Variants in CHD1 observed in about 807,000 individuals in gnomAD.
The protein encoded by CHD1 is ATP-dependent chromatin remodeler CHD1.
Under a neutral mutation model 224.2 loss-of-function variants are expected in CHD1, and 36 were observed. The observed-to-expected ratio is 0.16, with a 90% CI of 0.12 to 0.21. CHD1 has a LOEUF of 0.21. Ranked by LOEUF, CHD1 falls within the 10% of genes least tolerant of loss-of-function variation. CHD1 has a pLI of 1.00. For missense variants in CHD1, 1,378 were observed against 1,994.8 expected (o/e 0.69, Z 5.89); for synonymous variants, 668 against 658.3 (o/e 1.01, Z -0.23).
chr5:98,872,162 A>G lies in CHD1; in HGVS notation c.3750T>C (p.Asp1250=). The G allele has an allele frequency of 3.7e-6, 6 of 1,613,814 alleles. No homozygotes were observed. The highest frequency in any genetic ancestry group is 5.1e-6 in the Non-Finnish European group (6 of 1,179,788). ...IPCHTKAAHF[D]IDWGKEDDSN... is the part of the protein sequence containing the mutation. ...AATCATCTTCTTTGCCCCAGTCTAT[A>G]TCAAAATGAGCTGCCTTTGTGTGGC... Residue 1250 remains aspartate (D), a synonymous_variant, in exon 28 of 36, where the codon GAT becomes GAC. Coordinates refer to ENST00000614616, the MANE Select transcript of CHD1 (RefSeq NM_001270.4).
At chr5:98,904,782 A>G in intron 3 of CHD1, 115 bp downstream of exon 3, 1 of 947,610 alleles carries the variant, frequency 1.1e-6, no homozygotes, top group Non-Finnish European at 1.6e-6. Context: ...AGTAAATTTT[A>G]ATTTAAAATG....
At chr5:98,920,847 T>C (rs943688305) in intron 2 of CHD1, among the ~76,000 whole-genome samples, 2 of 148,510 alleles carry the variant, frequency 1.3e-5, no homozygotes, top group Non-Finnish European at 3.0e-5. Flanking sequence ...TTCTACAGGA[T>C]ACCTGGCCAG....
At chr5:98,912,675 A>G (rs950942396) in intron 2 of CHD1, among the ~76,000 whole-genome samples, 3 of 152,136 alleles carry the variant, frequency 2.0e-5, no homozygotes, top group African/African-American at 7.2e-5. Flanking sequence ...TGTCTCAAAA[A>G]AATAAAATAA....
At chr5:98,921,306 T>A (rs115547036) in intron 2 of CHD1, among the ~76,000 whole-genome samples, 1 of 152,152 alleles carries the variant, frequency 6.6e-6, no homozygotes, top group Non-Finnish European at 1.5e-5. Flanking sequence ...CACAATTAAT[T>A]GGAGGTTCGC....
In CHD1 at chr5:98,854,247, ACTCAG is replaced by A. The variant is rs1281931312; in HGVS notation, c.*2128_*2132del. On this transcript the variant is annotated 3_prime_UTR_variant, in exon 36 of 36. Transcript: ENST00000614616. ...CATACAGTTCTATATTTTTCATTCA[ACTCAG>A]CTAACTAGCTGACTGAAACTTTCAA... 29 of 152,184 alleles carry A rather than the reference ACTCAG, an allele frequency of 1.9e-4. No homozygotes were observed. Among genetic ancestry groups the A allele is most frequent in the Non-Finnish European group, 3.4e-4 (23 of 67,900 alleles). The allele number at this position is 152,184 out of a possible 1,614,324, so 9.4% of individuals were successfully genotyped here. A position where few individuals can be genotyped will look rare whatever the true frequency, so the allele number is the denominator to read the frequency against.
Position 98,876,506 on chromosome 5 carries a change from C to A in CHD1, c.3290G>T (p.Gly1097Val). The change falls in exon 24 of 36, where the codon GGA becomes GTA. Residue 1097 changes from glycine (G) to valine (V), a missense_variant. Physicochemically the swap from Gly to Val is moderately radical, Grantham distance 109. Around this residue, in one of 16 missense-constraint regions of CHD1, gnomAD observed 286 missense variants for 445.1 expected, o/e 0.64. Transcript: ENST00000614616. ...GRRSRSRRYS[G>V]SDSDSISEGK... ...TTCTGAGATGGAATCACTATCAGAT[C>A]CAGAGTATCTCCTACTTCTACTGCG... 1.2e-6 allele frequency: 2 copies of A among 1,613,688 alleles called. No homozygotes were observed. Among genetic ancestry groups the A allele is most frequent in the Non-Finnish European group, 1.7e-6 (2 of 1,179,642 alleles).
chr5:98,864,651 T>C (rs1293341857), intron 31 of CHD1, among the ~76,000 whole-genome samples: 2 of 151,850 alleles, frequency 1.3e-5, no homozygotes, highest in Non-Finnish European at 2.9e-5. Flanking sequence ...ATCATGCCAC[T>C]GGCACTGCAG....
At chr5:98,858,070 T>C (rs900439395) in intron 35 of CHD1, 110 bp downstream of exon 35, 2 of 762,070 alleles carry the variant, frequency 2.6e-6, no homozygotes, top group African/African-American at 1.7e-5. Flanking sequence ...TTCACAAGAT[T>C]TGTTTTGACT....
At chr5:98,876,731 T>C (rs1270237572) in intron 23 of CHD1, among the ~76,000 whole-genome samples, 173 bp from the exon 24 acceptor site, 1 of 152,250 alleles carries the variant, frequency 6.6e-6, no homozygotes, top group Non-Finnish European at 1.5e-5. Flanking sequence ...CTGGTGGATA[T>C]TTTGATTTAA....
At position 98,894,615 on chromosome 5, in the gene CHD1, T is replaced by C. The variant is rs536544766; in HGVS notation, c.1782A>G (p.Glu594=). 5 of 1,372,118 alleles carry C rather than the reference T, an allele frequency of 3.6e-6. No homozygotes were observed. Among genetic ancestry groups the C allele is most frequent in the South Asian group, 1.3e-5 (1 of 77,196 alleles). The allele number at this position is 1,372,118 out of a possible 1,614,324, so 85.0% of individuals were successfully genotyped here. A position where few individuals can be genotyped will look rare whatever the true frequency, so the allele number is the denominator to read the frequency against. The change falls in exon 13 of 36, where the codon GAA becomes GAG. Residue 594 remains glutamate, a synonymous_variant. Transcript: ENST00000614616. ...TACATACCTTATCTTTTAATAAAAT[T>C]TCATAAGTTGTTAACAATATATTAA... ...LKFNILLTTY[E]ILLKDKAFLG...
rs564010044 is a variant in CHD1, at chr5:98,868,501, G to C, written c.4242C>G (p.Phe1414Leu). Residue 1414 changes from phenylalanine to leucine, a missense_variant, in exon 31 of 36, where the codon TTC becomes TTG. Transcript: ENST00000614616. ...CAGAAAGTCTAAGGCTTACAATGCT[G>C]AATGTCTTCTGATCCAGCTCTTCAG... ...EESEELDQKT[F>L]SICKERMRPV... The C allele has an allele frequency of 6.2e-7, 1 of 1,607,476 alleles. No homozygotes were observed. Among genetic ancestry groups the C allele is most frequent in the South Asian group, 1.1e-5 (1 of 89,208 alleles).
intron 17 of CHD1, chr5:98,885,909 T>C: frequency 2.5e-6 from 1 of 397,372 alleles, no homozygotes; most frequent in South Asian, 4.6e-5. Flanking sequence ...TAAAAGTATG[T>C]GATTGAGTAC....
intron 17 of CHD1, among the ~76,000 whole-genome samples, chr5:98,887,570 A>G (rs752440896): frequency 1.3e-5 from 2 of 152,188 alleles, no homozygotes; most frequent in Non-Finnish European, 2.9e-5. Flanking sequence ...AGCTTTAGTT[A>G]TATTGAATGA....
At chr5:98,916,102 G>A (rs1381348273) in intron 2 of CHD1, among the ~76,000 whole-genome samples, 1 of 152,092 alleles carries the variant, frequency 6.6e-6, no homozygotes, top group Non-Finnish European at 1.5e-5. Context: ...TGAGGCACGA[G>A]AATCGCTTGA....
intron 31 of CHD1, among the ~76,000 whole-genome samples, chr5:98,865,493 G>A (rs1175387750): frequency 6.6e-6 from 1 of 152,198 alleles, no homozygotes; most frequent in Non-Finnish European, 1.5e-5. Context: ...CCTGACAATA[G>A]TCCTTTGCAA....
chr5:98,926,448 T>C lies in CHD1; in HGVS notation c.-62A>G. On this transcript the variant is annotated 5_prime_UTR_variant, in exon 2 of 36. It adds an upstream start codon to the 5' untranslated region. Coordinates refer to ENST00000614616, the MANE Select transcript of CHD1 (RefSeq NM_001270.4). ...AAATCTTCCCAGTTTAAAAGATGAATATAAATACTGACTCCTTGAATATAA... is the reference window on the plus strand; with the variant it reads ...AAATCTTCCCAGTTTAAAAGATGAACATAAATACTGACTCCTTGAATATAA... The C allele has an allele frequency of 2.4e-6, 2 of 823,844 alleles. No homozygotes were observed. The highest frequency in any genetic ancestry group is 3.7e-6 in the Non-Finnish European group (2 of 546,898). 51.0% of individuals were successfully genotyped at this position (823,844 alleles called of 1,614,324 possible).
intron 25 of CHD1, among the ~76,000 whole-genome samples, chr5:98,874,711 A>T (rs1749619110): frequency 1.3e-5 from 2 of 150,750 alleles, no homozygotes. Context: ...GACTCCATTT[A>T]AAAAGAAAAA....
At chr5:98,906,015 T>C (rs967263444) in intron 2 of CHD1, among the ~76,000 whole-genome samples, 1 of 152,152 alleles carries the variant, frequency 6.6e-6, no homozygotes, top group Admixed American at 6.5e-5. Context: ...TACAAGAAAA[T>C]ACAAGTTTCC....
At chr5:98,905,785 G>A (rs326463) in intron 2 of CHD1, among the ~76,000 whole-genome samples, 48,908 of 151,988 alleles carry the variant, frequency 0.32, 9,541 homozygotes, top group African/African-American at 0.54. Flanking sequence ...AAAAGCAATT[G>A]ACATTTCATA....
Sources: gnomAD v4.1 joint callset for allele counts (sites outside exome capture counted in the v4.1 genomes callset) on GRCh38, gnomAD v4.1.1 for gene constraint, gnomAD v4.1.1 regional missense constraint, MANE v1.5 for transcripts, NCBI Gene and HGNC (gene_info 2026-07-23, HGNC 2026-07-21) for gene names.